RGPD4: variants seen among roughly 807,000 people sequenced by gnomAD.
The protein encoded by RGPD4 is ranBP2-like and GRIP domain-containing protein 4.
A neutral mutation model predicts 141.1 loss-of-function variants in RGPD4; 84 were observed. The observed-to-expected ratio is 0.60, with a 90% CI of 0.50 to 0.71. RGPD4 has a LOEUF of 0.71. Among genes scored for constraint, RGPD4 ranks in the 30% least tolerant of loss-of-function variants. The pLI, the probability that RGPD4 is intolerant of heterozygous loss-of-function variation, is 0.00. For missense variants in RGPD4, 918 were observed against 1,622.4 expected, an observed-to-expected ratio of 0.57 and a Z score of 7.46; for synonymous variants, 298 against 566.8, an observed-to-expected ratio of 0.53 and a Z score of 6.74.
At chr2:107,885,233 G>T (rs1675479547) in intron 22 of RGPD4, among the ~76,000 whole-genome samples, 1 of 151,894 alleles carries the variant, frequency 6.6e-6, no homozygotes, top group Non-Finnish European at 1.5e-5. Context: ...AGTCACCTAA[G>T]AGTAAAACTG....
chr2:107,890,520 G>T, intron 22 of RGPD4, among the ~76,000 whole-genome samples: 1 of 105,898 alleles, frequency 9.4e-6, no homozygotes, highest in Non-Finnish European at 1.8e-5. Flanking sequence ...CTGCACTCCA[G>T]CCTGGGTGAC....
chr2:107,826,921 C>A lies in RGPD4; in HGVS notation c.-93C>A. On this transcript the variant is annotated 5_prime_UTR_variant, in exon 1 of 23. Transcript: ENST00000408999. ...TGGTCCTCCGCCGGCTACGCGGAGTCAGTGGCTTTCAGGCGCTTTCCTGTT... is the reference window on the plus strand; with the variant it reads ...TGGTCCTCCGCCGGCTACGCGGAGTAAGTGGCTTTCAGGCGCTTTCCTGTT... 1 of 1,547,312 alleles carries A rather than the reference C, an allele frequency of 6.5e-7. No individual in the cohort carries two copies.
At chr2:107,874,292 C>A (rs1409483223) in intron 20 of RGPD4, among the ~76,000 whole-genome samples, 2 of 150,500 alleles carry the variant, frequency 1.3e-5, no homozygotes, top group Admixed American at 1.3e-4. Context: ...GAAAATGGAC[C>A]CCGTTTTTAA....
intron 4 of RGPD4, among the ~76,000 whole-genome samples, chr2:107,841,524 T>TA (rs1681797499): frequency 2.7e-5 from 2 of 73,072 alleles, no homozygotes; most frequent in African/African-American, 5.5e-5. Flanking sequence ...TAGTGGTTTT[T>TA]AAAAAAATGT....
intron 22 of RGPD4, among the ~76,000 whole-genome samples, chr2:107,883,990 C>G (rs1675440024): frequency 6.6e-6 from 1 of 152,078 alleles, no homozygotes; most frequent in African/African-American, 2.4e-5. Context: ...TTGAATTTCT[C>G]TGTCACCTAT....
Position 107,890,793 on chromosome 2 carries a change from T to C in RGPD4, c.*62T>C. 1.3e-6 allele frequency: 2 copies of C among 1,593,848 alleles called. No individual in the cohort carries two copies. Among genetic ancestry groups the C allele is most frequent in the Admixed American group, 1.8e-5 (1 of 56,814 alleles). ...CGTAGTTGGTTTGGACTTCGATAGG[T>C]TGATGGAAGGAATATTTTTATTAAC... is the stretch of plus-strand genomic sequence containing the variant. On this transcript the variant is annotated 3_prime_UTR_variant, in exon 23 of 23. Transcript: ENST00000408999.
At chr2:107,858,593 C>T (rs1235015094) in intron 9 of RGPD4, among the ~76,000 whole-genome samples, 8 of 152,156 alleles carry the variant, frequency 5.3e-5, no homozygotes, top group East Asian at 1.9e-4. Flanking sequence ...CACGTGACAC[C>T]GTGCTCGGCT....
At chr2:107,885,502 C>T (rs1675485060) in intron 22 of RGPD4, among the ~76,000 whole-genome samples, 1 of 152,102 alleles carries the variant, frequency 6.6e-6, no homozygotes, top group African/African-American at 2.4e-5. Context: ...CTAAAAGAGA[C>T]TAACCTAAGG....
chr2:107,881,479 G>A (rs576638430), intron 21 of RGPD4, among the ~76,000 whole-genome samples: 34 of 151,624 alleles, frequency 2.2e-4, no homozygotes, highest in Middle Eastern at 3.4e-3. Flanking sequence ...CACCATGCCC[G>A]GCTAATTTTT....
At chr2:107,849,362 CTTT>C (rs60901392) in intron 7 of RGPD4, among the ~76,000 whole-genome samples, 2,942 of 73,472 alleles carry the variant, frequency 0.04, 155 homozygotes, top group African/African-American at 0.15. Context: ...CGCGCCTGGC[CTTT>C]TTTTTTTTTT....
At chr2:107,863,593 A>T (rs545555624) in intron 17 of RGPD4, among the ~76,000 whole-genome samples, 1 of 151,610 alleles carries the variant, frequency 6.6e-6, no homozygotes, top group Non-Finnish European at 1.5e-5. Context: ...CCCAGGTTCA[A>T]GCAACTCTCC....
rs535461590 is a variant in RGPD4, at chr2:107,869,294, A to G, written c.2606-589A>G. Among the ~76,000 whole-genome samples, 33 of 71,924 alleles carry G rather than the reference A, an allele frequency of 4.6e-4. 11 individuals are homozygous for G. The highest frequency in any genetic ancestry group is 1.9e-3 in the African/African-American group (32 of 16,514). 47.2% of individuals were successfully genotyped at this position (71,924 alleles called of 152,430 possible). On this transcript the variant is annotated intron_variant, in intron 18 of 22. Transcript: ENST00000408999. ...TCTAGTTGTTTTGTTTCCTGGTAAA[A>G]CAGACCAAACAGAGGGAGCAGACAG...
chr2:107,887,153 G>A (rs1675537220), intron 22 of RGPD4, among the ~76,000 whole-genome samples: 1 of 151,736 alleles, frequency 6.6e-6, no homozygotes, highest in Non-Finnish European at 1.5e-5. Context: ...AAGGCAGCAG[G>A]ATTCTTTGTT....
rs1299013667 is a variant in RGPD4, at chr2:107,841,596, C to G, written c.406-1413C>G. Among the ~76,000 whole-genome samples the G allele has an allele frequency of 3.1e-5, 2 of 64,860 alleles. 1 individual carries two copies. The highest frequency in any genetic ancestry group is 5.0e-4 in the East Asian group (2 of 3,984). 42.6% of individuals were successfully genotyped at this position (64,860 alleles called of 152,430 possible). The stretch of plus-strand genomic sequence containing the variant: ...GGAGAGGCCAGGGTTTCATCCATCT[C>G]ATCCAGAAGAGGAGAAATTGATAAA... On this transcript the variant is annotated intron_variant, in intron 4 of 22. Transcript: ENST00000408999.
chr2:107,827,275 C>A (rs1335172732), intron 1 of RGPD4, among the ~76,000 whole-genome samples, 190 bp downstream of exon 1: 7 of 133,332 alleles, frequency 5.3e-5, no homozygotes, highest in South Asian at 5.1e-4. Context: ...CGTCATGGCT[C>A]CCGACGGGCG....
intron 18 of RGPD4, among the ~76,000 whole-genome samples, chr2:107,867,444 G>C (rs1268904507): frequency 2.7e-5 from 4 of 145,746 alleles, no homozygotes; most frequent in African/African-American, 1.0e-4. Flanking sequence ...CTTATTAAAT[G>C]TCGTAAGTCA....
intron 1 of RGPD4, among the ~76,000 whole-genome samples, chr2:107,829,764 G>C (rs898523604): frequency 1.4e-4 from 22 of 152,050 alleles, no homozygotes; most frequent in African/African-American, 5.3e-4. Flanking sequence ...TGTTCCCGAC[G>C]GTGCTCGCTC....
intron 1 of RGPD4, among the ~76,000 whole-genome samples, chr2:107,833,935 A>T (rs1681582366): frequency 6.6e-6 from 1 of 151,658 alleles, no homozygotes; most frequent in Non-Finnish European, 1.5e-5. Flanking sequence ...TGTACCCGGG[A>T]CGCAGAGGTT....
chr2:107,870,799 A>T lies in RGPD4; in HGVS notation c.2795A>T (p.Asn932Ile), dbSNP rs752849054. Residue 932 changes from asparagine to isoleucine, a missense_variant, in exon 20 of 23, where the codon AAT becomes ATT. Asn to Ile is a moderately radical substitution (Grantham distance 149, BLOSUM62 -3). Transcript: ENST00000408999. ...AAATTTGGCATTTCGGAACCAGGAA[A>T]TCAAGAAAAGGAAAGTGAAAAGCCT... ...GFKFGISEPG[N>I]QEKESEKPLE... The T allele has an allele frequency of 6.2e-7, 1 of 1,606,130 alleles. No homozygotes were observed. The highest frequency in any genetic ancestry group is 1.1e-5 in the South Asian group (1 of 90,494).
Sources: gnomAD v4.1 joint callset for allele counts (sites outside exome capture counted in the v4.1 genomes callset) on GRCh38, gnomAD v4.1.1 for gene constraint, MANE v1.5 for transcripts, NCBI Gene and HGNC (gene_info 2026-07-23, HGNC 2026-07-21) for gene names.